The following LDLRAP1 variants were observed in gnomAD, a reference collection of about 807,000 sequenced individuals.
The protein encoded by LDLRAP1 is low density lipoprotein receptor adaptor protein 1, also known as low density lipoprotein receptor adapter protein 1.
LDLRAP1 carries 30 observed loss-of-function variants against 37.8 expected under a neutral mutation model. The observed-to-expected ratio is 0.79, with a 90% CI of 0.59 to 1.08. LDLRAP1 has a LOEUF of 1.08. Ranked by LOEUF, LDLRAP1 falls within the 50% of genes least tolerant of loss-of-function variation. The pLI is 0.00. For synonymous variants in LDLRAP1, 156 were observed against 169.8 expected (o/e 0.92, Z 0.63); for missense variants, 375 against 401.6 (o/e 0.93, Z 0.57).
the LDLRAP1 span, among the ~76,000 whole-genome samples, chr1:25,575,116 G>A: frequency 3.3e-5 from 5 of 152,110 alleles, no homozygotes; most frequent in Admixed American, 6.5e-5. Context: ...CCCTTTCTTC[G>A]GGCCGCAAGG....
At chr1:25,543,814 G>A in intron 1 of LDLRAP1, 28 bp downstream of exon 1, 1 of 1,195,698 alleles carries the variant, frequency 8.4e-7, no homozygotes. Flanking sequence ...AGCCGGGCCG[G>A]GCCGGGATCG....
chr1:25,575,280 G>A, the LDLRAP1 span, among the ~76,000 whole-genome samples: 2 of 152,074 alleles, frequency 1.3e-5, no homozygotes, highest in Non-Finnish European at 2.9e-5. Flanking sequence ...AAGTCAGAAG[G>A]ACCTGGGTTC....
the LDLRAP1 span, among the ~76,000 whole-genome samples, chr1:25,589,184 G>A: frequency 6.6e-6 from 1 of 152,044 alleles, no homozygotes; most frequent in South Asian, 2.1e-4. Flanking sequence ...CACATCTGTA[G>A]TTTCAGCTAC....
At chr1:25,549,723 G>A (rs905086123) in intron 1 of LDLRAP1, among the ~76,000 whole-genome samples, 1 of 151,240 alleles carries the variant, frequency 6.6e-6, no homozygotes, top group Non-Finnish European at 1.5e-5. Context: ...CGGCAATAAG[G>A]CCTCCGGCTG....
chr1:25,568,780 C>G lies in LDLRAP1; in HGVS notation c.*1788C>G, dbSNP rs2044553534. ...TTCGTCTCCATCTCTGGTTGACGGG[C>G]TGTCCGTGTGCCTCCTGTGTGTCTG... On this transcript the variant is annotated 3_prime_UTR_variant, in exon 9 of 9. Transcript: ENST00000374338. The G allele has an allele frequency of 6.6e-6, 1 of 152,260 alleles. No homozygotes were observed. The highest frequency in any genetic ancestry group is 2.1e-4 in the South Asian group (1 of 4,828). 9.4% of individuals were successfully genotyped at this position (152,260 alleles called of 1,614,324 possible). A position where few individuals can be genotyped will look rare whatever the true frequency, so the allele number is the denominator to read the frequency against.
chr1:25,550,394 C>A (rs1316390309), intron 1 of LDLRAP1, among the ~76,000 whole-genome samples: 1 of 152,154 alleles, frequency 6.6e-6, no homozygotes, highest in Non-Finnish European at 1.5e-5. Flanking sequence ...TATATTGCCT[C>A]AAAGGAGGCT....
chr1:25,566,454 AT>A (rs1424230101), intron 8 of LDLRAP1, among the ~76,000 whole-genome samples: 1 of 151,946 alleles, frequency 6.6e-6, no homozygotes, highest in Non-Finnish European at 1.5e-5. Flanking sequence ...TTGTAAATTT[AT>A]TTTTCGAACA....
At chr1:25,578,608 C>T in the LDLRAP1 span, among the ~76,000 whole-genome samples, 4 of 152,082 alleles carry the variant, frequency 2.6e-5, no homozygotes, top group East Asian at 1.9e-4. Flanking sequence ...TCAACCTCCC[C>T]GGCCCAAGCG....
At chr1:25,553,096 A>T (rs72873735) in intron 1 of LDLRAP1, among the ~76,000 whole-genome samples, 32 of 147,786 alleles carry the variant, frequency 2.2e-4, no homozygotes, top group African/African-American at 7.8e-4. Flanking sequence ...CCAGCCTCCC[A>T]CATGCCCCTG....
chr1:25,552,755 C>T lies in LDLRAP1; in HGVS notation c.89-1167C>T, dbSNP rs752882294. Among the ~76,000 whole-genome samples the T allele has an allele frequency of 7.9e-5, 12 of 152,300 alleles. 1 individual carries two copies. Among genetic ancestry groups the T allele is most frequent in the African/African-American group, 1.9e-4 (8 of 41,560 alleles). On this transcript the variant is annotated intron_variant, in intron 1 of 8. Coordinates refer to ENST00000374338, the MANE Select transcript of LDLRAP1 (RefSeq NM_015627.3). ...TTGCCCTCATGCCCATTTGCCTCCA[C>T]GGGGCCCTCACCTACGTGGTGGGGC...
At chr1:25,570,823 C>T (rs1308861624), downstream of LDLRAP1, among the ~76,000 whole-genome samples, 1 of 152,190 alleles carries the variant, frequency 6.6e-6, no homozygotes, top group Non-Finnish European at 1.5e-5. Context: ...CGGGCCACTA[C>T]ACTCCAGCCT....
Position 25,568,497 on chromosome 1 carries a change from A to G in LDLRAP1, c.*1505A>G, listed in dbSNP as rs1303744188. On this transcript the variant is annotated 3_prime_UTR_variant, in exon 9 of 9. Coordinates refer to ENST00000374338, the MANE Select transcript of LDLRAP1 (RefSeq NM_015627.3). ...GAGCAAGTTTCATCAGCCCTAGGGAAAACACGGCCCTCCTGGGAACCTCCT... is the reference window on the plus strand; with the variant it reads ...GAGCAAGTTTCATCAGCCCTAGGGAGAACACGGCCCTCCTGGGAACCTCCT... The G allele has an allele frequency of 6.6e-6, 1 of 152,232 alleles. No homozygotes were observed. The highest frequency in any genetic ancestry group is 2.4e-5 in the African/African-American group (1 of 41,446). The allele number at this position is 152,232 out of a possible 1,614,324, so 9.4% of individuals were successfully genotyped here. A position where few individuals can be genotyped will look rare whatever the true frequency, so the allele number is the denominator to read the frequency against.
chr1:25,580,504 A>C, the LDLRAP1 span, among the ~76,000 whole-genome samples: 1 of 152,102 alleles, frequency 6.6e-6, no homozygotes, highest in Admixed American at 6.5e-5. Context: ...ATCTCAATTT[A>C]ATCTTCACAA....
At chr1:25,573,285 T>C (rs114065511), downstream of LDLRAP1, among the ~76,000 whole-genome samples, 94 of 152,296 alleles carry the variant, frequency 6.2e-4, no homozygotes, top group African/African-American at 2.2e-3. Flanking sequence ...CAAACTCTAC[T>C]GTCTAGTGAG....
rs2043853621 is a variant in LDLRAP1 at position 25,543,650 on chromosome 1, C to T, written c.-49C>T. ...CCGCAGGGCCGGGCGGAAAGTTTTT[C>T]CTGACGGAGTTTTGGCTGCGGCAGC... On this transcript the variant is annotated 5_prime_UTR_variant, in exon 1 of 9. Coordinates refer to ENST00000374338, the MANE Select transcript of LDLRAP1 (RefSeq NM_015627.3). 5 of 1,181,922 alleles carry T rather than the reference C, an allele frequency of 4.2e-6. No homozygotes were observed. The highest frequency in any genetic ancestry group is 8.4e-5 in the South Asian group (2 of 23,846). 73.2% of individuals were successfully genotyped at this position (1,181,922 alleles called of 1,614,324 possible). A position where few individuals can be genotyped will look rare whatever the true frequency, so the allele number is the denominator to read the frequency against.
At chr1:25,561,499 G>A (rs1029296233) in intron 4 of LDLRAP1, among the ~76,000 whole-genome samples, 21 of 152,192 alleles carry the variant, frequency 1.4e-4, no homozygotes. Flanking sequence ...GTCTGGGGGA[G>A]GGCAGGGAGC....
In LDLRAP1 at chr1:25,554,999, C is replaced by T. The variant is rs1477962576; in HGVS notation, c.344+27C>T. ...TACGCTCAGCATGGGGTTGGCCCAT[C>T]CACTCTGCCACTTGGGGCAGTGGGT... On this transcript the variant is annotated intron_variant, in intron 3 of 8. Transcript: ENST00000374338. The surrounding 1 kb of genome is among the most constrained non-coding windows in gnomAD (Gnocchi z 5.4). The T allele has an allele frequency of 6.6e-7, 1 of 1,523,636 alleles. No individual in the cohort carries two copies. The highest frequency in any genetic ancestry group is 1.1e-5 in the South Asian group (1 of 88,652). 94.4% of individuals were successfully genotyped at this position (1,523,636 alleles called of 1,614,324 possible). A position where few individuals can be genotyped will look rare whatever the true frequency, so the allele number is the denominator to read the frequency against.
chr1:25,543,759 A>G lies in LDLRAP1; in HGVS notation c.61A>G (p.Ser21Gly). ...LIRSPSLAKQSWGGGGRHRKL... is the reference protein window; with the variant it reads ...LIRSPSLAKQGWGGGGRHRKL... ...CCGGAGCCCCAGCTTGGCCAAGCAGAGCTGGGGGGGCGGTGGCCGGCACCG... is the reference window on the plus strand; with the variant it reads ...CCGGAGCCCCAGCTTGGCCAAGCAGGGCTGGGGGGGCGGTGGCCGGCACCG... The change falls in exon 1 of 9, where the codon AGC becomes GGC. Residue 21 changes from serine (S) to glycine (G), a missense_variant. Transcript: ENST00000374338. The G allele has an allele frequency of 8.3e-7, 1 of 1,210,372 alleles. No homozygotes were observed. The highest frequency in any genetic ancestry group is 1.0e-6 in the Non-Finnish European group (1 of 974,138). The allele number at this position is 1,210,372 out of a possible 1,614,324, so 75.0% of individuals were successfully genotyped here.
At chr1:25,576,812 T>A in the LDLRAP1 span, among the ~76,000 whole-genome samples, 1 of 152,242 alleles carries the variant, frequency 6.6e-6, no homozygotes, top group Non-Finnish European at 1.5e-5. Context: ...GGGCCCAGAT[T>A]TGGGGTGGGA....
Sources: allele counts gnomAD v4.1 joint callset (sites outside exome capture counted in the v4.1 genomes callset), GRCh38; gene constraint gnomAD v4.1.1; non-coding constraint Gnocchi (gnomAD v3.1); transcripts MANE v1.5; gene names NCBI Gene and HGNC (gene_info 2026-07-23, HGNC 2026-07-21).